Variants in ANGPTL5 observed in about 807,000 individuals in gnomAD.
The protein encoded by ANGPTL5 is angiopoietin like 5.
A neutral mutation model predicts 39.4 loss-of-function variants in ANGPTL5; 34 were observed. The observed-to-expected ratio is 0.86, with a 90% CI of 0.66 to 1.15. The LOEUF (loss-of-function observed/expected upper bound fraction) is 1.15, where lower values mean the gene tolerates loss of function less well. ANGPTL5 is among the 50% of genes most tolerant of loss of function. The pLI, the probability that ANGPTL5 is intolerant of heterozygous loss-of-function variation, is 0.00. For synonymous variants in ANGPTL5, 146 were observed against 152.1 expected, an observed-to-expected ratio of 0.96 and a Z score of 0.29; for missense variants, 467 against 457.5, an observed-to-expected ratio of 1.02 and a Z score of -0.19.
At chr11:101,893,642 C>T (rs1321751518) in intron 8 of ANGPTL5, among the ~76,000 whole-genome samples, 3 of 152,170 alleles carry the variant, frequency 2.0e-5, no homozygotes, top group Non-Finnish European at 4.4e-5. Context: ...CCCACATAAA[C>T]TTTTCCTAAT....
At chr11:101,892,689 C>T (rs1259396367) in intron 8 of ANGPTL5, among the ~76,000 whole-genome samples, 2 of 152,160 alleles carry the variant, frequency 1.3e-5, no homozygotes, top group African/African-American at 4.8e-5. Flanking sequence ...ACCCATAATG[C>T]CTCCATTTCA....
At chr11:101,894,009 C>T (rs1267876680) in intron 8 of ANGPTL5, among the ~76,000 whole-genome samples, 7 of 152,208 alleles carry the variant, frequency 4.6e-5, no homozygotes, top group Non-Finnish European at 1.0e-4. Context: ...GGAATATATA[C>T]TTCTAAAAAG....
chr11:101,902,657 G>T lies in ANGPTL5; in HGVS notation c.504C>A (p.Tyr168Ter). The T allele has an allele frequency of 6.2e-7, 1 of 1,611,688 alleles. No individual in the cohort carries two copies. The highest frequency in any genetic ancestry group is 8.5e-7 in the Non-Finnish European group (1 of 1,178,316). The change falls in exon 6 of 9, where the codon TAC (tyrosine) becomes TAA (stop). Residue 168 changes from tyrosine to a stop codon, truncating the protein, a stop_gained. Coordinates refer to ENST00000334289, the MANE Select transcript of ANGPTL5 (RefSeq NM_178127.5). LOFTEE classifies it high-confidence loss of function. Reference sequence around the variant, plus strand: ...AGCTAGATCCTTCTGGGTGAATTATGTATAAACCACTCGGTGTTTTGGTGA... The same window carrying T: ...AGCTAGATCCTTCTGGGTGAATTATTTATAAACCACTCGGTGTTTTGGTGA... Reference protein sequence around the residue: ...GSVTKTPSGLYIIHPEGSSYP... With the variant: ...GSVTKTPSGL
chr11:101,891,856 A>G (rs1939703613), intron 8 of ANGPTL5, among the ~76,000 whole-genome samples: 1 of 152,192 alleles, frequency 6.6e-6, no homozygotes, highest in Non-Finnish European at 1.5e-5. Context: ...TGCTGTGTAG[A>G]CAAAACCAGA....
Position 101,891,584 on chromosome 11 carries a change from C to G in ANGPTL5, c.862G>C (p.Gly288Arg), listed in dbSNP as rs776930157. Residue 288 changes from glycine to arginine, a missense_variant, in exon 9 of 9, where the codon GGT (glycine) becomes CGT (arginine). Coordinates refer to ENST00000334289, the MANE Select transcript of ANGPTL5 (RefSeq NM_178127.5). ...TTTTGATTATCTTCTTTTTTGAGAC[C>G]CCGGAATGCATCACCTGGGAAAAAA... ...YSGNAGDAFR[G>R]LKKEDNQNAM... 5 of 1,613,664 alleles carry G rather than the reference C, an allele frequency of 3.1e-6. No homozygotes were observed. In the Admixed American group the frequency reaches 8.3e-5, roughly 27 times the overall value.
Position 101,900,485 on chromosome 11 carries a change from T to G in ANGPTL5, c.606A>C (p.Ile202=), listed in dbSNP as rs1939873613. ...CACACCACAACCTCTGGAAATCAATTATCCCATCAATTCTTTTCTGTATCA... is the reference window on the plus strand; with the variant it reads ...CACACCACAACCTCTGGAAATCAATGATCCCATCAATTCTTTTCTGTATCA... ...RTVIQKRIDG[I]IDFQRLWCDY... Residue 202 remains isoleucine, a synonymous_variant, in exon 7 of 9, where the codon ATA becomes ATC. Coordinates refer to ENST00000334289, the MANE Select transcript of ANGPTL5 (RefSeq NM_178127.5). 11 of 1,613,226 alleles carry G rather than the reference T, an allele frequency of 6.8e-6. No homozygotes were observed. Among genetic ancestry groups the G allele is most frequent in the Non-Finnish European group, 9.3e-6 (11 of 1,179,354 alleles).
chr11:101,892,433 G>T (rs1939718590), intron 8 of ANGPTL5, among the ~76,000 whole-genome samples: 3 of 152,070 alleles, frequency 2.0e-5, no homozygotes, highest in Non-Finnish European at 4.4e-5. Context: ...ATTTCACCAT[G>T]TTGGCCAGGT....
chr11:101,905,966 T>G (rs1591257867), intron 3 of ANGPTL5, 119 bp from the exon 4 acceptor site: 3 of 658,680 alleles, frequency 4.6e-6, no homozygotes, highest in Non-Finnish European at 8.1e-6. Context: ...CTATCTCAAT[T>G]TATCTTAATA....
intron 4 of ANGPTL5, 46 bp from the exon 5 acceptor site, chr11:101,904,953 T>G: frequency 1.4e-6 from 2 of 1,453,698 alleles, no homozygotes; most frequent in Non-Finnish European, 1.9e-6. Flanking sequence ...TTTGAAGAAA[T>G]TGCCATCTCT....
intron 7 of ANGPTL5, among the ~76,000 whole-genome samples, chr11:101,896,523 C>T (rs973014890): frequency 6.6e-6 from 1 of 152,130 alleles, no homozygotes; most frequent in African/African-American, 2.4e-5. Flanking sequence ...CACCCCCTGA[C>T]AGGCTCCTGT....
At chr11:101,896,045 G>T (rs1198282526) in intron 7 of ANGPTL5, among the ~76,000 whole-genome samples, 2 of 151,944 alleles carry the variant, frequency 1.3e-5, no homozygotes, top group Non-Finnish European at 2.9e-5. Flanking sequence ...CTCCAGAGGG[G>T]TCCACTGAGT....
chr11:101,911,821 G>A (rs1303621673), intron 1 of ANGPTL5, among the ~76,000 whole-genome samples: 2 of 152,160 alleles, frequency 1.3e-5, no homozygotes, highest in Admixed American at 1.3e-4. Context: ...CTCTATTCCA[G>A]CAACAGTGGT....
chr11:101,894,810 T>TA, intron 8 of ANGPTL5, 69 bp downstream of exon 8: 1 of 1,377,612 alleles, frequency 7.3e-7, no homozygotes, highest in South Asian at 1.2e-5. Flanking sequence ...GCATTATTTT[T>TA]ATCTTCACTT....
At chr11:101,904,237 T>C (rs1315502560) in intron 5 of ANGPTL5, among the ~76,000 whole-genome samples, 2 of 152,150 alleles carry the variant, frequency 1.3e-5, no homozygotes, top group Non-Finnish European at 2.9e-5. Context: ...AAAGATCATG[T>C]TCTAGGCCCT....
At position 101,907,099 on chromosome 11, in the gene ANGPTL5, T is replaced by G; in HGVS notation, c.241+4A>C. ...TTATTATTTTGTTTATTTTTAATAC[T>G]TACTACACATGAAATGTTTTTCTTC... On this transcript the variant is annotated splice_donor_region_variant and intron_variant, in intron 3 of 8. Coordinates refer to ENST00000334289, the MANE Select transcript of ANGPTL5 (RefSeq NM_178127.5). The G allele has an allele frequency of 6.4e-7, 1 of 1,552,286 alleles. No individual in the cohort carries two copies. The highest frequency in any genetic ancestry group is 8.8e-7 in the Non-Finnish European group (1 of 1,130,288).
chr11:101,915,362 C>T, intron 1 of ANGPTL5: 10 of 1,613,956 alleles, frequency 6.2e-6, no homozygotes, highest in Non-Finnish European at 8.5e-6. Context: ...TCGACAGAGC[C>T]CCCCTCGGCC....
Position 101,894,856 on chromosome 11 carries a change from T to C in ANGPTL5, c.847+23A>G, listed in dbSNP as rs750117851. The C allele has an allele frequency of 3.2e-5, 51 of 1,584,384 alleles. 2 individuals are homozygous for C. In the Admixed American group the frequency reaches 4.5e-4, roughly 14 times the overall value. On this transcript the variant is annotated intron_variant, in intron 8 of 8. Transcript: ENST00000334289. ...CAGTTATAATTTAGATCTGGATAAT[T>C]TTAGGAATAAAAAAAATCTTACCAG...
At chr11:101,914,909 C>G (rs1366308799) in intron 1 of ANGPTL5, 2 of 201,218 alleles carry the variant, frequency 9.9e-6, no homozygotes, top group Non-Finnish European at 2.0e-5. Context: ...TGCCACCCGC[C>G]GCTCGAAGCT....
At chr11:101,910,425 ATATATAT>A (rs1409818358) in intron 1 of ANGPTL5, among the ~76,000 whole-genome samples, 25 of 99,778 alleles carry the variant, frequency 2.5e-4, no homozygotes, top group African/African-American at 1.1e-3. Context: ...AAAAAAAAAA[ATATATAT>A]ATATATATAT....
Sources: allele counts gnomAD v4.1 joint callset (sites outside exome capture counted in the v4.1 genomes callset), GRCh38; gene constraint gnomAD v4.1.1; transcripts MANE v1.5; gene names NCBI Gene and HGNC (gene_info 2026-07-23, HGNC 2026-07-21).